The following RUNDC3B variants were observed in gnomAD, a reference collection of about 807,000 sequenced individuals.
RUNDC3B encodes RUN domain-containing protein 3B.
RUNDC3B carries 33 observed loss-of-function variants against 58.4 expected under a neutral mutation model. The ratio of observed to expected loss-of-function variants is 0.56; its 90% CI spans 0.43 to 0.75. RUNDC3B has a LOEUF of 0.75. RUNDC3B is among the 30% of genes least tolerant of loss of function. The pLI, the probability that RUNDC3B is intolerant of heterozygous loss-of-function variation, is 0.00. For missense variants in RUNDC3B, 501 were observed against 535.7 expected (o/e 0.94, Z 0.64); for synonymous variants, 193 against 195.2 (o/e 0.99, Z 0.10).
chr7:87,756,447 AT>A (rs931156327), intron 6 of RUNDC3B, among the ~76,000 whole-genome samples: 5 of 152,024 alleles, frequency 3.3e-5, no homozygotes, highest in Non-Finnish European at 5.9e-5. Flanking sequence ...CCTTACTAAT[AT>A]TTTTTCATGT....
chr7:87,753,236 A>G (rs1338606082), intron 6 of RUNDC3B, among the ~76,000 whole-genome samples: 5 of 150,750 alleles, frequency 3.3e-5, no homozygotes, highest in African/African-American at 1.2e-4. Context: ...GTGGTCTGAG[A>G]GATAGTTTGT....
intron 1 of RUNDC3B, among the ~76,000 whole-genome samples, chr7:87,648,944 A>G (rs1239403603): frequency 6.6e-6 from 1 of 151,924 alleles, no homozygotes; most frequent in Non-Finnish European, 1.5e-5. Context: ...ATCTTTCTAT[A>G]TTTCCCTTTA....
intron 4 of RUNDC3B, among the ~76,000 whole-genome samples, chr7:87,716,245 T>G (rs1563158912): frequency 6.6e-6 from 1 of 152,202 alleles, no homozygotes; most frequent in African/African-American, 2.4e-5. Context: ...GCCAGATTTG[T>G]GGGATATTGG....
At chr7:87,645,673 G>C (rs924661796) in intron 1 of RUNDC3B, among the ~76,000 whole-genome samples, 25 of 152,118 alleles carry the variant, frequency 1.6e-4, no homozygotes, top group Non-Finnish European at 2.5e-4. Flanking sequence ...CTCAGCATCT[G>C]TGTGATATTT....
chr7:87,707,581 G>C (rs1829717414), intron 3 of RUNDC3B, among the ~76,000 whole-genome samples: 1 of 152,086 alleles, frequency 6.6e-6, no homozygotes, highest in East Asian at 1.9e-4. Context: ...GGCTGAGGTG[G>C]GAGGGTCACT....
At chr7:87,639,264 A>G (rs990500500) in intron 1 of RUNDC3B, among the ~76,000 whole-genome samples, 8 of 151,962 alleles carry the variant, frequency 5.3e-5, no homozygotes, top group Admixed American at 3.9e-4. Flanking sequence ...CAGAGAACAT[A>G]TTCTGAAAGA....
At chr7:87,701,787 G>A (rs535904766) in intron 3 of RUNDC3B, among the ~76,000 whole-genome samples, 28 of 152,232 alleles carry the variant, frequency 1.8e-4, no homozygotes, top group Admixed American at 7.8e-4. Context: ...GTTACAGATG[G>A]AATGCAGAAG....
At chr7:87,744,313 A>G (rs575158979) in intron 6 of RUNDC3B, among the ~76,000 whole-genome samples, 125 of 152,230 alleles carry the variant, frequency 8.2e-4, no homozygotes, top group African/African-American at 3.0e-3. Flanking sequence ...TTGGTTCCAT[A>G]TGAATTTTAG....
rs948836677 is a variant in RUNDC3B, at chr7:87,684,677, G to A, written c.239-15744G>A. On this transcript the variant is annotated intron_variant, in intron 2 of 10. Transcript: ENST00000394654. Reference sequence around the variant, plus strand: ...GCAGGAGGATTGCTTGAACCCAGGAGGCAGAGATTGCAGTGAGTCGAGATC... The same window carrying A: ...GCAGGAGGATTGCTTGAACCCAGGAAGCAGAGATTGCAGTGAGTCGAGATC... 2.1e-5 allele frequency among the ~76,000 whole-genome samples: 3 copies of A among 145,368 alleles called. No individual in the cohort carries two copies. In the Admixed American group the frequency reaches 2.1e-4, roughly 10 times the overall value.
intron 4 of RUNDC3B, among the ~76,000 whole-genome samples, chr7:87,726,623 G>A (rs1307539177): frequency 2.6e-5 from 4 of 152,042 alleles, no homozygotes; most frequent in Non-Finnish European, 4.4e-5. Flanking sequence ...TTCCAATTCT[G>A]TGAAGAAAGT....
intron 6 of RUNDC3B, among the ~76,000 whole-genome samples, chr7:87,755,794 C>T (rs1232393033): frequency 6.6e-6 from 1 of 152,068 alleles, no homozygotes; most frequent in African/African-American, 2.4e-5. Context: ...GGAAGTATTC[C>T]CCTTGAAAAC....
At chr7:87,675,435 C>T (rs1826228390) in intron 2 of RUNDC3B, among the ~76,000 whole-genome samples, 1 of 152,084 alleles carries the variant, frequency 6.6e-6, no homozygotes, top group South Asian at 2.1e-4. Context: ...AGGCATTATG[C>T]TTCCTGACTT....
intron 6 of RUNDC3B, among the ~76,000 whole-genome samples, chr7:87,752,982 G>C (rs543147261): frequency 6.6e-6 from 1 of 151,366 alleles, no homozygotes; most frequent in Non-Finnish European, 1.5e-5. Flanking sequence ...TGTCAATTTT[G>C]GATCTTTCCT....
chr7:87,667,542 T>C (rs1825386986), intron 2 of RUNDC3B, among the ~76,000 whole-genome samples: 1 of 152,098 alleles, frequency 6.6e-6, no homozygotes, highest in African/African-American at 2.4e-5. Context: ...ATAGTAGTGG[T>C]GAGAGAGGGC....
chr7:87,765,715 A>G (rs1409351248), intron 6 of RUNDC3B, among the ~76,000 whole-genome samples: 1 of 152,062 alleles, frequency 6.6e-6, no homozygotes, highest in African/African-American at 2.4e-5. Context: ...GACCAACCAT[A>G]TGGTCAGTTT....
intron 4 of RUNDC3B, among the ~76,000 whole-genome samples, chr7:87,711,807 G>C (rs1421594546): frequency 2.0e-5 from 3 of 152,106 alleles, no homozygotes; most frequent in Admixed American, 6.6e-5. Flanking sequence ...CATCACAGAA[G>C]GTTCTATTGG....
rs1341324127 is a variant in RUNDC3B, at chr7:87,628,702, G to A, written c.-122G>A. The A allele has an allele frequency of 5.2e-6, 3 of 577,502 alleles. No individual in the cohort carries two copies. The highest frequency in any genetic ancestry group is 5.1e-6 in the Non-Finnish European group (2 of 388,794). 35.8% of individuals were successfully genotyped at this position (577,502 alleles called of 1,614,324 possible). A position where few individuals can be genotyped will look rare whatever the true frequency, so the allele number is the denominator to read the frequency against. On this transcript the variant is annotated 5_prime_UTR_variant, in exon 1 of 11. Transcript: ENST00000394654. ...GTCTTCCACACCCTTCCTCCCTCCAGGCTCCTTTCCTACATCCTTCCCGCG... is the reference window on the plus strand; with the variant it reads ...GTCTTCCACACCCTTCCTCCCTCCAAGCTCCTTTCCTACATCCTTCCCGCG...
At chr7:87,698,779 A>T (rs1050698183) in intron 2 of RUNDC3B, among the ~76,000 whole-genome samples, 1 of 152,214 alleles carries the variant, frequency 6.6e-6, no homozygotes, top group Non-Finnish European at 1.5e-5. Context: ...ATAATCAAGT[A>T]AAGAAATACT....
At chr7:87,637,536 C>T (rs539888036) in intron 1 of RUNDC3B, among the ~76,000 whole-genome samples, 34 of 152,192 alleles carry the variant, frequency 2.2e-4, no homozygotes, top group Admixed American at 5.9e-4. Flanking sequence ...TTAAGACTTA[C>T]GTGCAACCCA....
Sources: gnomAD v4.1 joint callset for allele counts (sites outside exome capture counted in the v4.1 genomes callset) on GRCh38, gnomAD v4.1.1 for gene constraint, MANE v1.5 for transcripts, NCBI Gene and HGNC (gene_info 2026-07-23, HGNC 2026-07-21) for gene names.